The following SCUBE3 variants were observed in gnomAD, a reference collection of about 807,000 sequenced individuals.
The protein encoded by SCUBE3 is signal peptide, CUB domain and EGF like domain containing 3, also known as signal peptide, CUB and EGF-like domain-containing protein 3.
SCUBE3 carries 33 observed loss-of-function variants against 116.8 expected under a neutral mutation model. The ratio of observed to expected loss-of-function variants is 0.28; its 90% CI spans 0.21 to 0.38. The LOEUF is 0.38. SCUBE3 is among the 10% of genes least tolerant of loss of function. The pLI, the probability that SCUBE3 is intolerant of heterozygous loss-of-function variation, is 1.00. For missense variants in SCUBE3, 1,007 were observed against 1,324.8 expected (o/e 0.76, Z 3.72); for synonymous variants, 418 against 496.9 (o/e 0.84, Z 2.11).
In SCUBE3 at chr6:35,243,385, G is replaced by A; in HGVS notation, c.1909+149G>A. The A allele has an allele frequency of 2.3e-6, 2 of 887,868 alleles. No individual in the cohort carries two copies. The highest frequency in any genetic ancestry group is 3.5e-6 in the Non-Finnish European group (2 of 579,436). The allele number at this position is 887,868 out of a possible 1,614,324, so 55.0% of individuals were successfully genotyped here. A position where few individuals can be genotyped will look rare whatever the true frequency, so the allele number is the denominator to read the frequency against. ...CGCTGTCCTCCCTTCCTTGGTTCCA[G>A]GCTGAAATCTAGAAGGATGCCAGGT... On this transcript the variant is annotated intron_variant, in intron 15 of 21. Transcript: ENST00000274938. The surrounding 1 kb of genome is among the most constrained non-coding windows in gnomAD (Gnocchi z 6.6).
chr6:35,242,384 T>C, intron 13 of SCUBE3, 64 bp downstream of exon 13: 1 of 1,207,876 alleles, frequency 8.3e-7, no homozygotes, highest in African/African-American at 1.5e-5. Flanking sequence ...ACCCCTCAGC[T>C]CCTCTGCTTC....
intron 13 of SCUBE3, 87 bp from the exon 14 acceptor site, chr6:35,242,535 C>T: frequency 3.3e-6 from 4 of 1,223,876 alleles, no homozygotes; most frequent in Non-Finnish European, 4.7e-6. Context: ...GAGATAGTTA[C>T]AGTTAGAGAT....
intron 1 of SCUBE3, among the ~76,000 whole-genome samples, chr6:35,224,938 G>A (rs893763967): frequency 6.6e-6 from 1 of 152,190 alleles, no homozygotes; most frequent in African/African-American, 2.4e-5. Flanking sequence ...CTATTTCTGT[G>A]GTGTTGGAAA....
At chr6:35,225,720 C>T (rs796277054) in intron 1 of SCUBE3, among the ~76,000 whole-genome samples, 24 of 152,232 alleles carry the variant, frequency 1.6e-4, no homozygotes, top group African/African-American at 5.3e-4. Context: ...AGTATAAAAG[C>T]GGAGGACAGA....
chr6:35,242,744 G>C lies in SCUBE3; in HGVS notation c.1657G>C (p.Glu553Gln). The change falls in exon 14 of 22, where the codon GAA (glutamate) becomes CAA (glutamine). Residue 553 changes from glutamate to glutamine, a missense_variant. Physicochemically the swap from Glu to Gln is conservative, Grantham distance 29. Around this residue, in one of 5 missense-constraint regions of SCUBE3, gnomAD observed 544 missense variants for 638.9 expected, o/e 0.85. Coordinates refer to ENST00000274938, the MANE Select transcript of SCUBE3 (RefSeq NM_152753.4). Reference protein sequence around the residue: ...PGKEVTRLTLELEAEVRAEET... With the variant: ...PGKEVTRLTLQLEAEVRAEET... The stretch of plus-strand genomic sequence containing the variant: ...CAAAGAGGTCACAAGGCTCACCCTG[G>C]AACTGGAGGCAGAGGTCAGAGCCGA... 2 of 1,614,076 alleles carry C rather than the reference G, an allele frequency of 1.2e-6. No individual in the cohort carries two copies. Among genetic ancestry groups the C allele is most frequent in the Non-Finnish European group, 1.7e-6 (2 of 1,179,904 alleles).
rs1423542221 is a variant in SCUBE3 at position 35,227,702 on chromosome 6, G to A, written c.208G>A (p.Asp70Asn). ...GYTGDGKHCKDVDECEREDNA... is the reference protein window; with the variant it reads ...GYTGDGKHCKNVDECEREDNA... ...CACAGGGGACGGCAAACACTGCAAAGGTGAGGCTGGAAGGGCACCTGGAGG... is the reference window on the plus strand; with the variant it reads ...CACAGGGGACGGCAAACACTGCAAAAGTGAGGCTGGAAGGGCACCTGGAGG... Residue 70 changes from aspartate to asparagine, a missense_variant and splice_region_variant, in exon 2 of 22, where the codon GAC becomes AAC. Physicochemically the swap from Asp to Asn is conservative, Grantham distance 23. Around this residue, in one of 5 missense-constraint regions of SCUBE3, gnomAD observed 37 missense variants for 80.6 expected, o/e 0.46. Coordinates refer to ENST00000274938, the MANE Select transcript of SCUBE3 (RefSeq NM_152753.4). The A allele has an allele frequency of 6.2e-7, 1 of 1,613,968 alleles. No homozygotes were observed. Among genetic ancestry groups the A allele is most frequent in the African/African-American group, 1.3e-5 (1 of 74,910 alleles).
At position 35,241,955 on chromosome 6, in the gene SCUBE3, A is replaced by G. The variant is rs1784082211; in HGVS notation, c.1417+45A>G. 1.5e-6 allele frequency: 2 copies of G among 1,300,418 alleles called. No homozygotes were observed. Among genetic ancestry groups the G allele is most frequent in the South Asian group, 1.2e-5 (1 of 85,070 alleles). 80.6% of individuals were successfully genotyped at this position (1,300,418 alleles called of 1,614,324 possible). A position where few individuals can be genotyped will look rare whatever the true frequency, so the allele number is the denominator to read the frequency against. On this transcript the variant is annotated intron_variant, in intron 12 of 21. Coordinates refer to ENST00000274938, the MANE Select transcript of SCUBE3 (RefSeq NM_152753.4). The surrounding 1 kb of genome is among the most constrained non-coding windows in gnomAD (Gnocchi z 4.1). The stretch of plus-strand genomic sequence containing the variant: ...CCCTGTTCCCACCCTACTCTCTTAC[A>G]TTAATCCCTTATTTTTGTTCTTCAT...
chr6:35,248,565 CTCA>C lies in SCUBE3; in HGVS notation c.2846_2848del (p.Ile949del). The C allele has an allele frequency of 6.2e-7, 1 of 1,614,024 alleles. No individual in the cohort carries two copies. Among genetic ancestry groups the C allele is most frequent in the Non-Finnish European group, 8.5e-7 (1 of 1,179,916 alleles). On this transcript the variant is annotated inframe_deletion, in exon 22 of 22. Transcript: ENST00000274938. Reference sequence around the variant, plus strand: ...CTGCCATCCTTTGCAGGACAAGAAGCTCATCAAGGCCTTCTTTGAGGTGCTAGC... The same window carrying C: ...CTGCCATCCTTTGCAGGACAAGAAGCTCAAGGCCTTCTTTGAGGTGCTAGC...
In SCUBE3 at chr6:35,235,382, G is replaced by T. The variant is rs189232223; in HGVS notation, c.712+2081G>T. 1,450 of 830,580 alleles carry T rather than the reference G, an allele frequency of 1.7e-3. 9 individuals are homozygous for T. Among genetic ancestry groups the T allele is most frequent in the Middle Eastern group, 5.3e-3 (17 of 3,206 alleles). The allele number at this position is 830,580 out of a possible 1,614,324, so 51.5% of individuals were successfully genotyped here. A position where few individuals can be genotyped will look rare whatever the true frequency, so the allele number is the denominator to read the frequency against. ...GGGAGGAGAGGGTGGGGAGGGGTCCGGGGCCAGAGGGCCACAGTGGCTTCT... is the reference window on the plus strand; with the variant it reads ...GGGAGGAGAGGGTGGGGAGGGGTCCTGGGCCAGAGGGCCACAGTGGCTTCT... On this transcript the variant is annotated intron_variant, in intron 6 of 21. Transcript: ENST00000274938. The surrounding 1 kb of genome is among the most constrained non-coding windows in gnomAD (Gnocchi z 4.5).
Position 35,243,460 on chromosome 6 carries a change from G to A in SCUBE3, c.1910-134G>A. ...GGTTTTGACCCTCCTATCCCCCCAA[G>A]TAGGATTGTGTTTGTTCCCTGACAG... On this transcript the variant is annotated intron_variant, in intron 15 of 21. Coordinates refer to ENST00000274938, the MANE Select transcript of SCUBE3 (RefSeq NM_152753.4). The surrounding 1 kb of genome is among the most constrained non-coding windows in gnomAD (Gnocchi z 6.6). The A allele has an allele frequency of 4.2e-6, 4 of 946,770 alleles. No individual in the cohort carries two copies. Among genetic ancestry groups the A allele is most frequent in the Non-Finnish European group, 6.3e-6 (4 of 633,506 alleles). The allele number at this position is 946,770 out of a possible 1,614,324, so 58.6% of individuals were successfully genotyped here.
At position 35,232,674 on chromosome 6, in the gene SCUBE3, C is replaced by A. The variant is rs577315577; in HGVS notation, c.470-176C>A. ...AACAGCTCTGTGCTCTGCTCATGAG[C>A]ACCCAGGTCTGTGGGGAAGACAGGA... On this transcript the variant is annotated intron_variant, in intron 4 of 21. Coordinates refer to ENST00000274938, the MANE Select transcript of SCUBE3 (RefSeq NM_152753.4). This position sits in a 1 kb window ranked among gnomAD's most constrained non-coding sequence, Gnocchi z 4.2. Among the ~76,000 whole-genome samples the A allele has an allele frequency of 2.6e-4, 40 of 152,328 alleles. No homozygotes were observed. The South Asian group carries it at 8.3e-3, about 32-fold the overall frequency.
At position 35,228,560 on chromosome 6, in the gene SCUBE3, T is replaced by A; in HGVS notation, c.209-54T>A. On this transcript the variant is annotated intron_variant, in intron 2 of 21. Coordinates refer to ENST00000274938, the MANE Select transcript of SCUBE3 (RefSeq NM_152753.4). The surrounding 1 kb of genome is among the most constrained non-coding windows in gnomAD (Gnocchi z 4.9). ...ACAACCATAAGGCTGAGTCTGGGGG[T>A]GGACAGTGGGTTCGCAGGTGGGTTC... 6.3e-7 allele frequency: 1 copy of A among 1,599,292 alleles called. No homozygotes were observed. Among genetic ancestry groups the A allele is most frequent in the Non-Finnish European group, 8.5e-7 (1 of 1,170,006 alleles).
At position 35,244,951 on chromosome 6, in the gene SCUBE3, A is replaced by G. The variant is rs1784267998; in HGVS notation, c.2401+140A>G. ...AAACTCCACCTTCCACCTCTCCCCA[A>G]CTCACTCAATCTCAAGGCCAGTTGC... On this transcript the variant is annotated intron_variant, in intron 18 of 21. Coordinates refer to ENST00000274938, the MANE Select transcript of SCUBE3 (RefSeq NM_152753.4). This position sits in a 1 kb window ranked among gnomAD's most constrained non-coding sequence, Gnocchi z 4.3. 1 of 847,612 alleles carries G rather than the reference A, an allele frequency of 1.2e-6. No homozygotes were observed. Among genetic ancestry groups the G allele is most frequent in the South Asian group, 1.6e-5 (1 of 61,380 alleles). 52.5% of individuals were successfully genotyped at this position (847,612 alleles called of 1,614,324 possible).
intron 1 of SCUBE3, among the ~76,000 whole-genome samples, chr6:35,218,509 C>T (rs1783009736): frequency 1.3e-5 from 2 of 152,266 alleles, no homozygotes; most frequent in Admixed American, 1.3e-4. Context: ...CCTTTGACAT[C>T]CCGTATCCCT....
Position 35,227,587 on chromosome 6 carries a change from TGA to T in SCUBE3, c.95_96del (p.Glu32ValfsTer6). The T allele has an allele frequency of 6.2e-7, 1 of 1,614,122 alleles. No homozygotes were observed. The highest frequency in any genetic ancestry group is 8.5e-7 in the Non-Finnish European group (1 of 1,180,012). ...CCCCTCTGCCCCTGCCAGATGTGGA[TGA>T]GTGTGTGGAGGGGACTGACAACTGC... The part of the protein sequence containing the change: ...QYSKAAQDVD[E>X]CVEGTDNCHI... On this transcript the variant is annotated frameshift_variant, in exon 2 of 22. Transcript: ENST00000274938. LOFTEE classifies it high-confidence loss of function.
At chr6:35,225,783 T>C (rs1783299454) in intron 1 of SCUBE3, among the ~76,000 whole-genome samples, 1 of 152,184 alleles carries the variant, frequency 6.6e-6, no homozygotes, top group Non-Finnish European at 1.5e-5. Flanking sequence ...AGAATACTGG[T>C]CCATGCATCC....
intron 20 of SCUBE3, 53 bp from the exon 21 acceptor site, chr6:35,246,153 G>T: frequency 6.2e-7 from 1 of 1,612,762 alleles, no homozygotes; most frequent in Non-Finnish European, 8.5e-7. Flanking sequence ...AGGGAACCAG[G>T]AGAGCAGGAA....
At chr6:35,234,328 A>C (rs1342762859) in intron 6 of SCUBE3, among the ~76,000 whole-genome samples, 1 of 152,114 alleles carries the variant, frequency 6.6e-6, no homozygotes, top group Non-Finnish European at 1.5e-5. Context: ...ACTGTGTATG[A>C]AGTTATGTAT....
Position 35,245,070 on chromosome 6 carries a change from AG to A in SCUBE3, c.2402-156del, listed in dbSNP as rs1784275469. Among the ~76,000 whole-genome samples, 1 of 152,232 alleles carries A rather than the reference AG, an allele frequency of 6.6e-6. No individual in the cohort carries two copies. Among genetic ancestry groups the A allele is most frequent in the Non-Finnish European group, 1.5e-5 (1 of 68,042 alleles). ...AAGAGAAGGTACTAAAAGGGCAGGA[AG>A]GAAGATGGACTCAGAGCTTGGAAAA... On this transcript the variant is annotated intron_variant, in intron 18 of 21. Coordinates refer to ENST00000274938, the MANE Select transcript of SCUBE3 (RefSeq NM_152753.4). This position sits in a 1 kb window ranked among gnomAD's most constrained non-coding sequence, Gnocchi z 4.2.
Sources: allele counts gnomAD v4.1 joint callset (sites outside exome capture counted in the v4.1 genomes callset), GRCh38; gene constraint gnomAD v4.1.1; regional missense constraint gnomAD v4.1.1; non-coding constraint Gnocchi (gnomAD v3.1); transcripts MANE v1.5; gene names NCBI Gene and HGNC (gene_info 2026-07-23, HGNC 2026-07-21).